Variants in TRAPPC12 observed in about 807,000 individuals in gnomAD.
TRAPPC12 encodes TPR repeat protein 15.
A neutral mutation model predicts 69.2 loss-of-function variants in TRAPPC12; 61 were observed. The ratio of observed to expected loss-of-function variants is 0.88; its 90% confidence interval spans 0.72 to 1.09. The LOEUF (loss-of-function observed/expected upper bound fraction) is 1.09, where lower values mean the gene tolerates loss of function less well. TRAPPC12 is among the 50% of genes least tolerant of loss of function. The pLI, the probability that TRAPPC12 is intolerant of heterozygous loss-of-function variation, is 0.00. For synonymous variants in TRAPPC12, 469 were observed against 438.9 expected, an observed-to-expected ratio of 1.07 and a Z score of -0.86; for missense variants, 1,101 against 1,016.4, an observed-to-expected ratio of 1.08 and a Z score of -1.13.
chr2:3,447,181 C>G (rs1249018994), intron 6 of TRAPPC12, among the ~76,000 whole-genome samples: 1 of 151,946 alleles, frequency 6.6e-6, no homozygotes, highest in African/African-American at 2.4e-5. Flanking sequence ...TCACTGCAAC[C>G]TCCACCTCCC....
chr2:3,423,314 G>A (rs966333228), intron 4 of TRAPPC12, among the ~76,000 whole-genome samples: 4 of 133,210 alleles, frequency 3.0e-5, no homozygotes, highest in East Asian at 2.3e-4. Context: ...GCATTGCCTC[G>A]CATGCCTTTG....
chr2:3,470,003 C>G (rs1322517122), intron 9 of TRAPPC12, among the ~76,000 whole-genome samples: 1 of 152,190 alleles, frequency 6.6e-6, no homozygotes, highest in Non-Finnish European at 1.5e-5. Flanking sequence ...TGAATGTTAT[C>G]TCCAGACCAG....
At chr2:3,400,469 C>G (rs909874215) in intron 2 of TRAPPC12, among the ~76,000 whole-genome samples, 2 of 152,140 alleles carry the variant, frequency 1.3e-5, no homozygotes, top group Non-Finnish European at 2.9e-5. Context: ...ATCCCCCCAG[C>G]TGCCCCTGCC....
intron 3 of TRAPPC12, among the ~76,000 whole-genome samples, chr2:3,407,806 A>G (rs1465606458): frequency 6.6e-6 from 1 of 152,198 alleles, no homozygotes; most frequent in Non-Finnish European, 1.5e-5. Context: ...AAAAAAAGAA[A>G]AAAAAGAAAA....
intron 6 of TRAPPC12, among the ~76,000 whole-genome samples, chr2:3,453,255 C>T (rs187708999): frequency 1.3e-5 from 2 of 152,336 alleles, no homozygotes; most frequent in East Asian, 1.9e-4. Context: ...TCCCAGCAGG[C>T]GCTAAGCACC....
chr2:3,409,769 A>ATTTTTTTTTTTTTTTTTTTTT (rs1325184612), intron 3 of TRAPPC12, among the ~76,000 whole-genome samples: 9 of 149,732 alleles, frequency 6.0e-5, no homozygotes, highest in Non-Finnish European at 1.0e-4. Flanking sequence ...AAAAAAAAAA[A>ATTTTTTTTTTTTTTTTTTTTT]AAAAAAAAAG....
At chr2:3,430,180 T>C (rs1663351268) in intron 5 of TRAPPC12, among the ~76,000 whole-genome samples, 1 of 152,228 alleles carries the variant, frequency 6.6e-6, no homozygotes, top group Non-Finnish European at 1.5e-5. Context: ...GGATGAACAA[T>C]TAGGATCTTT....
At position 3,474,503 on chromosome 2, in the gene TRAPPC12, G is replaced by T. The variant is rs187644796; in HGVS notation, c.1777-3192G>T. ...CATCCTTCAATTAAATTGACACTCAGTATTAACCTTGACAGCGCCCAAGGA... is the reference window on the plus strand; with the variant it reads ...CATCCTTCAATTAAATTGACACTCATTATTAACCTTGACAGCGCCCAAGGA... On this transcript the variant is annotated intron_variant, in intron 9 of 11. Transcript: ENST00000324266. Among the ~76,000 whole-genome samples the T allele has an allele frequency of 2.6e-5, 4 of 152,294 alleles. No individual in the cohort carries two copies. The East Asian group carries it at 7.7e-4, about 29-fold the overall frequency.
At chr2:3,410,631 T>C (rs901039614) in intron 3 of TRAPPC12, among the ~76,000 whole-genome samples, 5 of 152,242 alleles carry the variant, frequency 3.3e-5, no homozygotes, top group African/African-American at 1.2e-4. Context: ...CTGTAAAATA[T>C]GTCTTACTTG....
intron 6 of TRAPPC12, chr2:3,455,443 A>AC (rs944631433): frequency 2.1e-5 from 3 of 141,922 alleles, no homozygotes; most frequent in African/African-American, 7.8e-5. Context: ...ACTAGCAAAC[A>AC]CTAGGTCTTA....
At chr2:3,446,125 C>T (rs1228289710) in intron 6 of TRAPPC12, among the ~76,000 whole-genome samples, 2 of 152,236 alleles carry the variant, frequency 1.3e-5, no homozygotes, top group Admixed American at 6.5e-5. Context: ...TCGTTCCCTC[C>T]GCTGGTCTAC....
intron 9 of TRAPPC12, among the ~76,000 whole-genome samples, chr2:3,474,771 G>T (rs576611531): frequency 6.6e-6 from 1 of 152,310 alleles, no homozygotes; most frequent in African/African-American, 2.4e-5. Flanking sequence ...AATGTGGAAT[G>T]ATCTATTCCC....
rs552741501 is a variant in TRAPPC12, at chr2:3,442,506, A to G, written c.1418-1273A>G. ...TGTTTATTTCTAGAAAACCGAAGTGACTCAGGCTGTAACTTAAGCTCGGCC... is the reference window on the plus strand; with the variant it reads ...TGTTTATTTCTAGAAAACCGAAGTGGCTCAGGCTGTAACTTAAGCTCGGCC... On this transcript the variant is annotated intron_variant, in intron 5 of 11. Transcript: ENST00000324266. 3.3e-5 allele frequency among the ~76,000 whole-genome samples: 5 copies of G among 152,298 alleles called. No individual in the cohort carries two copies. The South Asian group carries it at 1.0e-3, about 32-fold the overall frequency.
At position 3,434,003 on chromosome 2, in the gene TRAPPC12, A is replaced by G. The variant is rs185931206; in HGVS notation, c.1417+9340A>G. On this transcript the variant is annotated intron_variant, in intron 5 of 11. Transcript: ENST00000324266. ...AACCACCCTCAGCATGGAGGATTTC[A>G]GTGAGATTCCCAGGGTAGCTCTTCA... Among the ~76,000 whole-genome samples the G allele has an allele frequency of 3.0e-3, 453 of 152,256 alleles. 3 individuals carry two copies. Among genetic ancestry groups the G allele is most frequent in the African/African-American group, 0.01 (433 of 41,552 alleles).
intron 6 of TRAPPC12, among the ~76,000 whole-genome samples, chr2:3,450,381 A>G (rs1427579461): frequency 6.6e-6 from 1 of 152,222 alleles, no homozygotes; most frequent in Non-Finnish European, 1.5e-5. Flanking sequence ...TGAGGGGCCC[A>G]GAGGACACTG....
At chr2:3,461,417 GGACGCACAAGGA>G (rs1378882492) in intron 8 of TRAPPC12, among the ~76,000 whole-genome samples, 1 of 152,204 alleles carries the variant, frequency 6.6e-6, no homozygotes, top group African/African-American at 2.4e-5. Context: ...ACGTCAGGCT[GGACGCACAAGGA>G]GACTCGGCGT....
intron 2 of TRAPPC12, among the ~76,000 whole-genome samples, chr2:3,398,714 C>A (rs772437009): frequency 6.6e-6 from 1 of 152,234 alleles, no homozygotes; most frequent in African/African-American, 2.4e-5. Flanking sequence ...GCCCTAACCG[C>A]CTGTCAGCCG....
intron 5 of TRAPPC12, among the ~76,000 whole-genome samples, chr2:3,426,985 T>A (rs1663140711): frequency 6.6e-6 from 1 of 152,202 alleles, no homozygotes; most frequent in Non-Finnish European, 1.5e-5. Context: ...CCTTTCCGTG[T>A]AAGACCGAAT....
intron 6 of TRAPPC12, among the ~76,000 whole-genome samples, chr2:3,444,813 G>C (rs1445731703): frequency 6.6e-6 from 1 of 152,110 alleles, no homozygotes; most frequent in Non-Finnish European, 1.5e-5. Flanking sequence ...GCGTTTCTAG[G>C]CCCCTTGTTG....
Sources: gnomAD v4.1 joint callset for allele counts (sites outside exome capture counted in the v4.1 genomes callset) on GRCh38, gnomAD v4.1.1 for gene constraint, MANE v1.5 for transcripts, NCBI Gene and HGNC (gene_info 2026-07-23, HGNC 2026-07-21) for gene names.